Variants in ANO10 observed in about 807,000 individuals in gnomAD.
The protein encoded by ANO10 is anoctamin 10, also known as anoctamin-10.
In ANO10, 77 loss-of-function variants were observed where a neutral mutation model predicts 74.7. That is an observed-to-expected ratio of 1.03 (90% CI 0.86 to 1.25). The LOEUF is 1.25. Among genes scored for constraint, ANO10 ranks in the 50% most tolerant of loss-of-function variants. ANO10 has a pLI of 0.00. For synonymous variants in ANO10, 279 were observed against 284.9 expected (o/e 0.98, Z 0.21); for missense variants, 721 against 778.1 (o/e 0.93, Z 0.87).
At chr3:43,523,001 C>A (rs536358660) in intron 11 of ANO10, among the ~76,000 whole-genome samples, 18 of 152,266 alleles carry the variant, frequency 1.2e-4, no homozygotes, top group Admixed American at 1.0e-3. Context: ...AAAGGGAGTA[C>A]CTGCATTATC....
In ANO10 at chr3:43,555,343, AG is replaced by A; in HGVS notation, c.1602del (p.Leu535Ter). On this transcript the variant is annotated frameshift_variant, in exon 10 of 13. Transcript: ENST00000292246. LOFTEE classifies it high-confidence loss of function. ...LNNFTEVNSD[A>X]LKMCRVFKRP... ...CGTTTGAAGACCCTGCACATTTTTA[AG>A]GCATCTGAATTTACTTCAGTGAAGT... 1 of 1,614,154 alleles carries A rather than the reference AG, an allele frequency of 6.2e-7. No homozygotes were observed. Among genetic ancestry groups the A allele is most frequent in the Non-Finnish European group, 8.5e-7 (1 of 1,180,024 alleles).
chr3:43,593,058 G>A (rs2081880331), intron 4 of ANO10, among the ~76,000 whole-genome samples: 1 of 152,058 alleles, frequency 6.6e-6, no homozygotes, highest in African/African-American at 2.4e-5. Flanking sequence ...GAAGTTTAGA[G>A]AAAAAAGAGT....
chr3:43,634,690 T>C (rs1036999074), intron 1 of ANO10, among the ~76,000 whole-genome samples: 1 of 152,192 alleles, frequency 6.6e-6, no homozygotes, highest in Admixed American at 6.5e-5. Context: ...CTGGTGACCA[T>C]CCTGGAAGAC....
chr3:43,557,565 C>T (rs576296050), intron 9 of ANO10, among the ~76,000 whole-genome samples: 4 of 151,562 alleles, frequency 2.6e-5, no homozygotes, highest in Non-Finnish European at 5.9e-5. Context: ...GAAAACCTGT[C>T]TCTACTAAAA....
At chr3:43,380,050 G>A (rs2091916180) in intron 12 of ANO10, among the ~76,000 whole-genome samples, 1 of 152,126 alleles carries the variant, frequency 6.6e-6, no homozygotes, top group South Asian at 2.1e-4. Context: ...AAATGCACTG[G>A]AAGTCTCAGC....
intron 4 of ANO10, among the ~76,000 whole-genome samples, chr3:43,591,959 C>A (rs112559345): frequency 2.6e-5 from 4 of 152,374 alleles, no homozygotes; most frequent in Non-Finnish European, 2.9e-5. Context: ...TATCCTGTGC[C>A]TGGCTCAGAG....
Position 43,654,208 on chromosome 3 carries a change from T to C in ANO10, c.-12+37309A>G, listed in dbSNP as rs924736882. Among the ~76,000 whole-genome samples the C allele has an allele frequency of 5.9e-5, 9 of 152,184 alleles. No individual in the cohort carries two copies. The Middle Eastern group carries it at 0.01, about 174-fold the overall frequency. On this transcript the variant is annotated intron_variant, in intron 1 of 3. Coordinates refer to the ANO10 transcript ENST00000413397. ...TTGCCAACACAGGTTACATGGAGGG[T>C]TACTCTGTCCCTGCATGCTTCACAA...
chr3:43,529,190 T>C (rs1251167903), intron 11 of ANO10, among the ~76,000 whole-genome samples: 3 of 152,190 alleles, frequency 2.0e-5, no homozygotes, highest in Non-Finnish European at 4.4e-5. Context: ...CACATCAGAG[T>C]TTGACAGCAA....
intron 11 of ANO10, among the ~76,000 whole-genome samples, chr3:43,509,877 A>G (rs548323597): frequency 6.6e-6 from 1 of 152,322 alleles, no homozygotes; most frequent in Non-Finnish European, 1.5e-5. Context: ...AAAAAGGAAT[A>G]AGCTACTGGT....
At position 43,504,300 on chromosome 3, in the gene ANO10, G is replaced by GTAGGTAGATAGATAGATAGA. The variant is rs71083075; in HGVS notation, c.1797+45419_1797+45420insTCTATCTATCTATCTACCTA. Among the ~76,000 whole-genome samples, 252 of 139,816 alleles carry GTAGGTAGATAGATAGATAGA rather than the reference G, an allele frequency of 1.8e-3. 1 individual carries two copies. Among genetic ancestry groups the GTAGGTAGATAGATAGATAGA allele is most frequent in the East Asian group, 6.3e-3 (28 of 4,428 alleles). 91.7% of individuals were successfully genotyped at this position (139,816 alleles called of 152,430 possible). A position where few individuals can be genotyped will look rare whatever the true frequency, so the allele number is the denominator to read the frequency against. Reference sequence around the variant, plus strand: ...AGTAGATAGGTAGGTAGGTAGGTAGGTAGATAGATAGATAGATAGATAGAT... The same window carrying GTAGGTAGATAGATAGATAGA: ...AGTAGATAGGTAGGTAGGTAGGTAGGTAGGTAGATAGATAGATAGATAGATAGATAGATAGATAGATAGAT... On this transcript the variant is annotated intron_variant, in intron 11 of 12. Transcript: ENST00000292246.
chr3:43,552,714 ATATATATATATATATG>A (rs1236624323), intron 10 of ANO10, among the ~76,000 whole-genome samples: 120 of 133,568 alleles, frequency 9.0e-4, no homozygotes, highest in African/African-American at 3.3e-3. Flanking sequence ...ATATATATAT[ATATATATATATATATG>A]TATGTATGTA....
intron 11 of ANO10, among the ~76,000 whole-genome samples, chr3:43,535,175 T>C (rs1462334701): frequency 2.0e-5 from 3 of 151,958 alleles, no homozygotes; most frequent in Admixed American, 1.3e-4. Context: ...GTTTTTGCCA[T>C]GTTGGCCAGG....
chr3:43,374,233 C>A (rs1294842140), intron 12 of ANO10, among the ~76,000 whole-genome samples: 2 of 152,186 alleles, frequency 1.3e-5, no homozygotes, highest in Non-Finnish European at 2.9e-5. Flanking sequence ...TACAGCAAAA[C>A]CTCTTTTTAA....
At chr3:43,679,846 C>G (rs945166466) in intron 1 of ANO10, among the ~76,000 whole-genome samples, 20 of 152,178 alleles carry the variant, frequency 1.3e-4, no homozygotes, top group African/African-American at 4.3e-4. Context: ...GAGTGGACCT[C>G]CAGCAAACTC....
At chr3:43,617,468 CA>C (rs1411419687) in intron 1 of ANO10, among the ~76,000 whole-genome samples, 4 of 152,114 alleles carry the variant, frequency 2.6e-5, no homozygotes, top group Non-Finnish European at 5.9e-5. Context: ...TGTTCTTTAT[CA>C]TGTGTCGAAT....
intron 12 of ANO10, among the ~76,000 whole-genome samples, chr3:43,386,079 C>G (rs1197807057): frequency 6.6e-6 from 1 of 152,160 alleles, no homozygotes; most frequent in Non-Finnish European, 1.5e-5. Context: ...AATAAACTGT[C>G]CTGTTGCTCT....
At chr3:43,377,933 C>T (rs1477179384) in intron 12 of ANO10, among the ~76,000 whole-genome samples, 1 of 152,160 alleles carries the variant, frequency 6.6e-6, no homozygotes, top group African/African-American at 2.4e-5. Flanking sequence ...CAGTGGTGGC[C>T]ATCTGAGAAA....
At chr3:43,545,604 G>C (rs1453433448) in intron 11 of ANO10, among the ~76,000 whole-genome samples, 1 of 152,160 alleles carries the variant, frequency 6.6e-6, no homozygotes, top group African/African-American at 2.4e-5. Flanking sequence ...GACCTCAGGT[G>C]ATCTGCCCAC....
upstream of ANO10, among the ~76,000 whole-genome samples, chr3:43,624,932 C>G (rs2083478470): frequency 6.6e-6 from 1 of 152,230 alleles, no homozygotes; most frequent in Non-Finnish European, 1.5e-5. Context: ...GAAAGAGAAA[C>G]TGTGGCTAAG....
Sources: gnomAD v4.1 joint callset for allele counts (sites outside exome capture counted in the v4.1 genomes callset) on GRCh38, gnomAD v4.1.1 for gene constraint, MANE v1.5 for transcripts, NCBI Gene and HGNC (gene_info 2026-07-23, HGNC 2026-07-21) for gene names.